RPP14: variants seen among roughly 807,000 people sequenced by gnomAD.
RPP14 encodes ribonuclease P protein subunit p14.
Under a neutral mutation model 17.8 loss-of-function variants are expected in RPP14, and 19 were observed. That is an observed-to-expected ratio of 1.07 (90% CI 0.74 to 1.57). RPP14 has a LOEUF of 1.57. RPP14 is among the 40% of genes most tolerant of loss of function. The pLI is 0.00. For missense variants in RPP14, 125 were observed against 140.8 expected (o/e 0.89, Z 0.57); for synonymous variants, 60 against 56.4 (o/e 1.06, Z -0.29).
At chr3:58,306,731 GTGAT>G (rs1419161832) in intron 1 of RPP14, 2 of 152,284 alleles carry the variant, frequency 1.3e-5, no homozygotes, top group East Asian at 1.9e-4. Flanking sequence ...GCTTTTTAAA[GTGAT>G]TGATTTAGTC....
At position 58,316,966 on chromosome 3, in the gene RPP14, C is replaced by T. The variant is rs761953471; in HGVS notation, c.291C>T (p.Gly97=). ...TGACCCTGTTAGGATCCTATAAAGG[C>T]AAAAAATGTGCTTTCCGGGTGATTC... is the stretch of plus-strand genomic sequence containing the variant. The part of the protein sequence containing the change: ...SSLTLLGSYK[G]KKCAFRVIQV... The change falls in exon 5 of 6, where the codon GGC becomes GGT. Residue 97 remains glycine, a synonymous_variant. Transcript: ENST00000295959. 1.2e-6 allele frequency: 2 copies of T among 1,612,838 alleles called. No homozygotes were observed. The highest frequency in any genetic ancestry group is 1.7e-6 in the Non-Finnish European group (2 of 1,179,484).
chr3:58,311,157 G>A (rs1300224026), intron 3 of RPP14, among the ~76,000 whole-genome samples: 1 of 145,974 alleles, frequency 6.9e-6, no homozygotes, highest in Admixed American at 6.8e-5. Context: ...TGTTGTTGTT[G>A]TTGTTGTTTT....
intron 5 of RPP14, 22 bp from the exon 6 acceptor site, chr3:58,317,417 TA>T: frequency 6.4e-7 from 1 of 1,552,738 alleles, no homozygotes; most frequent in Non-Finnish European, 8.9e-7. Flanking sequence ...CCCAATGCCT[TA>T]ACCTTTTTCT....
chr3:58,311,287 T>C (rs1001561457), intron 3 of RPP14, among the ~76,000 whole-genome samples: 6 of 152,240 alleles, frequency 3.9e-5, no homozygotes, highest in Admixed American at 3.9e-4. Flanking sequence ...CCCTGGTAGC[T>C]GAGATTACAG....
chr3:58,306,825 A>G (rs2097475566), intron 1 of RPP14, among the ~76,000 whole-genome samples: 1 of 152,080 alleles, frequency 6.6e-6, no homozygotes, highest in South Asian at 2.1e-4. Flanking sequence ...CAAGATAGCA[A>G]GATTCTTGGA....
At chr3:58,312,231 A>C (rs2097483010) in intron 3 of RPP14, among the ~76,000 whole-genome samples, 1 of 151,876 alleles carries the variant, frequency 6.6e-6, no homozygotes, top group Admixed American at 6.6e-5. Flanking sequence ...GTAGTGTGTG[A>C]GGGTTCCCCT....
intron 3 of RPP14, among the ~76,000 whole-genome samples, chr3:58,313,327 T>C (rs2097484514): frequency 1.3e-5 from 2 of 152,218 alleles, no homozygotes; most frequent in Admixed American, 1.3e-4. Context: ...ACTATTGGTT[T>C]ATATTCTGAT....
Position 58,317,997 on chromosome 3 carries a change from A to G in RPP14, c.*501A>G, listed in dbSNP as rs140730676. ...TTGGAGAAGTTGTTTTAGCTTCTGC[A>G]GAAGTGAAAAAGCTGAAGCGGTTCA... On this transcript the variant is annotated 3_prime_UTR_variant, in exon 6 of 6. Coordinates refer to ENST00000295959, the MANE Select transcript of RPP14 (RefSeq NM_007042.6). 1.1e-3 allele frequency: 763 copies of G among 702,952 alleles called. 4 individuals are homozygous for G. In the African/African-American group the frequency reaches 0.012, roughly 11 times the overall value. The allele number at this position is 702,952 out of a possible 1,614,324, so 43.5% of individuals were successfully genotyped here.
chr3:58,311,131 TAC>T (rs1168308713), intron 3 of RPP14, among the ~76,000 whole-genome samples: 1 of 110,308 alleles, frequency 9.1e-6, no homozygotes, highest in Non-Finnish European at 1.8e-5. Context: ...TCATGAAATC[TAC>T]TTTTTGTTGT....
Position 58,316,507 on chromosome 3 carries a change from A to G in RPP14, c.163-8A>G, listed in dbSNP as rs75194160. On this transcript the variant is annotated splice_region_variant and splice_polypyrimidine_tract_variant and intron_variant, in intron 3 of 5. Coordinates refer to ENST00000295959, the MANE Select transcript of RPP14 (RefSeq NM_007042.6). The stretch of plus-strand genomic sequence containing the variant: ...AATAGCCTGCTAATAGCATTATTCC[A>G]TATGCAGGTTGATGCCGCCTTACCT... The G allele has an allele frequency of 3.5e-4, 560 of 1,609,442 alleles. 2 individuals carry two copies. In the African/African-American group the frequency reaches 5.6e-3, roughly 16 times the overall value.
At position 58,310,143 on chromosome 3, in the gene RPP14, G is replaced by T. The variant is rs1053148234; in HGVS notation, c.-21-166G>T. 1.5e-5 allele frequency: 9 copies of T among 586,672 alleles called. No homozygotes were observed. In the African/African-American group the frequency reaches 1.7e-4, roughly 11 times the overall value. The allele number at this position is 586,672 out of a possible 1,614,324, so 36.3% of individuals were successfully genotyped here. A position where few individuals can be genotyped will look rare whatever the true frequency, so the allele number is the denominator to read the frequency against. ...TGAGCCTCGAGAGCCAGAGGTGGAG[G>T]CTGCAGTGAACTCTGATTGTACCAC... is the stretch of plus-strand genomic sequence containing the variant. On this transcript the variant is annotated intron_variant, in intron 1 of 5. Coordinates refer to ENST00000295959, the MANE Select transcript of RPP14 (RefSeq NM_007042.6).
chr3:58,315,866 G>A (rs1374250955), intron 3 of RPP14: 1 of 152,184 alleles, frequency 6.6e-6, no homozygotes, highest in Non-Finnish European at 1.5e-5. Context: ...AGTAAAAATG[G>A]GGTTTCTCCG....
intron 4 of RPP14, 144 bp from the exon 5 acceptor site, chr3:58,316,771 A>G: frequency 1.1e-6 from 1 of 885,444 alleles, no homozygotes; most frequent in South Asian, 1.7e-5. Context: ...AGAGAGGGCA[A>G]AACTTACGAT....
chr3:58,310,493 T>C lies in RPP14; in HGVS notation c.78-14T>C. ...GAAATTTAATATGACTTTTTTTTTT[T>C]TCACTTTTTTTAGAGAATTTCAAGA... On this transcript the variant is annotated splice_polypyrimidine_tract_variant and intron_variant, in intron 2 of 5. Coordinates refer to ENST00000295959, the MANE Select transcript of RPP14 (RefSeq NM_007042.6). The C allele has an allele frequency of 1.2e-6, 2 of 1,605,116 alleles. No individual in the cohort carries two copies. Among genetic ancestry groups the C allele is most frequent in the Admixed American group, 1.7e-5 (1 of 58,296 alleles).
intron 3 of RPP14, among the ~76,000 whole-genome samples, chr3:58,314,662 A>G (rs1025887671): frequency 6.8e-6 from 1 of 147,996 alleles, no homozygotes; most frequent in Admixed American, 6.8e-5. Flanking sequence ...ACTCTGGAAC[A>G]TAGTTTGGCA....
At chr3:58,310,888 C>T (rs1044844774) in intron 3 of RPP14, among the ~76,000 whole-genome samples, 1 of 150,626 alleles carries the variant, frequency 6.6e-6, no homozygotes, top group African/African-American at 2.5e-5. Flanking sequence ...CGAGATAACG[C>T]CACTGCACTC....
Position 58,310,375 on chromosome 3 carries a change from C to T in RPP14, c.46C>T (p.Pro16Ser), listed in dbSNP as rs1305592089. ...ATYERVVYKN[P>S]SEYHYMKVCL... is the part of the protein sequence containing the mutation. ...ATATGAAAGAGTAGTTTACAAAAAC[C>T]CTTCCGAGTACCACTACATGAAAGT... is the stretch of plus-strand genomic sequence containing the variant. Residue 16 changes from proline (P) to serine (S), a missense_variant, in exon 2 of 6, where the codon CCT becomes TCT. By Grantham distance (74) the Pro-to-Ser change is moderately conservative (BLOSUM62 -1). Transcript: ENST00000295959. The T allele has an allele frequency of 3.1e-6, 5 of 1,614,152 alleles. No individual in the cohort carries two copies. The South Asian group carries it at 4.4e-5, about 14-fold the overall frequency.
chr3:58,310,501 T>C lies in RPP14; in HGVS notation c.78-6T>C. ...ATATGACTTTTTTTTTTTTCACTTTTTTTAGAGAATTTCAAGATTGTGGAG... is the reference window on the plus strand; with the variant it reads ...ATATGACTTTTTTTTTTTTCACTTTCTTTAGAGAATTTCAAGATTGTGGAG... On this transcript the variant is annotated splice_polypyrimidine_tract_variant and splice_region_variant and intron_variant, in intron 2 of 5. Coordinates refer to ENST00000295959, the MANE Select transcript of RPP14 (RefSeq NM_007042.6). 6.2e-7 allele frequency: 1 copy of C among 1,607,916 alleles called. No homozygotes were observed. Among genetic ancestry groups the C allele is most frequent in the South Asian group, 1.1e-5 (1 of 89,750 alleles).
At chr3:58,316,817 A>T in intron 4 of RPP14, 98 bp from the exon 5 acceptor site, 1 of 1,097,696 alleles carries the variant, frequency 9.1e-7, no homozygotes, top group Non-Finnish European at 1.4e-6. Context: ...TGATGGTTAT[A>T]GTTGCAAAGT....
Sources: gnomAD v4.1 joint callset for allele counts (sites outside exome capture counted in the v4.1 genomes callset) on GRCh38, gnomAD v4.1.1 for gene constraint, MANE v1.5 for transcripts, NCBI Gene and HGNC (gene_info 2026-07-23, HGNC 2026-07-21) for gene names.